The following PPIG variants were observed in gnomAD, a reference collection of about 807,000 sequenced individuals.
PPIG encodes the protein peptidyl-prolyl cis-trans isomerase G.
PPIG carries 26 observed loss-of-function variants against 87.9 expected under a neutral mutation model. The observed-to-expected ratio is 0.30, with a 90% CI of 0.22 to 0.41. PPIG has a LOEUF of 0.41. PPIG is among the 10% of genes least tolerant of loss of function. PPIG has a pLI of 1.00. For missense variants in PPIG, 722 were observed against 879.4 expected (o/e 0.82, Z 2.26); for synonymous variants, 308 against 276.5 (o/e 1.11, Z -1.13).
chr2:169,626,746 G>T (rs1269042909), intron 9 of PPIG, among the ~76,000 whole-genome samples: 1 of 152,094 alleles, frequency 6.6e-6, no homozygotes, highest in Non-Finnish European at 1.5e-5. Flanking sequence ...GTCTCACTCT[G>T]TTGCCCAGGC....
At chr2:169,621,453 T>C (rs1337583133) in intron 9 of PPIG, among the ~76,000 whole-genome samples, 1 of 152,184 alleles carries the variant, frequency 6.6e-6, no homozygotes, top group Non-Finnish European at 1.5e-5. Context: ...GCTATCCTTA[T>C]TTACAAACAA....
intron 9 of PPIG, among the ~76,000 whole-genome samples, chr2:169,628,922 G>A (rs1375933277): frequency 8.1e-6 from 1 of 123,662 alleles, no homozygotes; most frequent in African/African-American, 3.1e-5. Context: ...CTGGGCAACA[G>A]AGCAAGACCC....
intron 9 of PPIG, among the ~76,000 whole-genome samples, chr2:169,618,870 G>C (rs921224608): frequency 6.7e-6 from 1 of 149,074 alleles, no homozygotes; most frequent in Non-Finnish European, 1.5e-5. Flanking sequence ...TATTTCCTTC[G>C]GTTCTGCTCT....
chr2:169,620,897 A>G (rs1685730800), intron 9 of PPIG, among the ~76,000 whole-genome samples: 1 of 152,168 alleles, frequency 6.6e-6, no homozygotes, highest in Non-Finnish European at 1.5e-5. Context: ...TGTTCTTACT[A>G]ATCTAGGGAA....
At position 169,592,543 on chromosome 2, in the gene PPIG, A is replaced by T. The variant is rs1684897482; in HGVS notation, c.-70+8053A>T. ...ATGGTCTCAATCTCCTGGCCTTGTG[A>T]TCCGCACGCCTCGGCCTCCCAGAGT... On this transcript the variant is annotated intron_variant, in intron 1 of 13. Transcript: ENST00000260970. 2.0e-5 allele frequency among the ~76,000 whole-genome samples: 3 copies of T among 151,838 alleles called. No homozygotes were observed. The South Asian group carries it at 6.2e-4, about 32-fold the overall frequency.
intron 1 of PPIG, among the ~76,000 whole-genome samples, chr2:169,600,202 G>A (rs1328998719): frequency 6.6e-6 from 1 of 151,788 alleles, no homozygotes; most frequent in Non-Finnish European, 1.5e-5. Context: ...AGCGTCTCCA[G>A]TAGCTGGGGC....
At chr2:169,601,807 C>T (rs1685191124) in intron 1 of PPIG, among the ~76,000 whole-genome samples, 1 of 151,738 alleles carries the variant, frequency 6.6e-6, no homozygotes, top group Admixed American at 6.6e-5. Flanking sequence ...TTACAGTAGC[C>T]ACAAGCCACA....
At chr2:169,588,467 CT>C (rs1684767179) in intron 1 of PPIG, among the ~76,000 whole-genome samples, 1 of 152,050 alleles carries the variant, frequency 6.6e-6, no homozygotes. Flanking sequence ...TCCTCTTGTT[CT>C]TGATCTATAA....
chr2:169,595,109 A>G (rs1413991214), intron 1 of PPIG, among the ~76,000 whole-genome samples: 1 of 151,940 alleles, frequency 6.6e-6, no homozygotes, highest in Non-Finnish European at 1.5e-5. Context: ...CTGTATTTTT[A>G]GTAGAGATGG....
intron 5 of PPIG, 38 bp downstream of exon 5, chr2:169,606,184 A>G (rs1052312616): frequency 7.0e-7 from 1 of 1,418,670 alleles, no homozygotes; most frequent in African/African-American, 1.4e-5. Context: ...TTTCTGTTAA[A>G]TATCACAGAT....
At chr2:169,605,417 C>T (rs985346314) in intron 4 of PPIG, among the ~76,000 whole-genome samples, 9 of 151,910 alleles carry the variant, frequency 5.9e-5, no homozygotes, top group Admixed American at 3.3e-4. Context: ...GCGGGAGATT[C>T]GCTTGAGCCC....
chr2:169,621,220 C>T (rs972161545), intron 9 of PPIG, among the ~76,000 whole-genome samples: 19 of 151,782 alleles, frequency 1.3e-4, no homozygotes, highest in Non-Finnish European at 2.6e-4. Flanking sequence ...TATTTAGAAA[C>T]AGGTACATTT....
intron 6 of PPIG, 74 bp from the exon 7 acceptor site, chr2:169,608,597 A>G (rs139903646): frequency 0.011 from 9,281 of 845,260 alleles, 63 homozygotes; most frequent in Non-Finnish European, 0.015. Context: ...TACATCAGAT[A>G]TGAATAGAAG....
intron 7 of PPIG, among the ~76,000 whole-genome samples, chr2:169,609,132 C>T (rs1311594512): frequency 2.0e-5 from 3 of 151,108 alleles, no homozygotes; most frequent in African/African-American, 7.3e-5. Flanking sequence ...TCTCTGTGTG[C>T]CTGCCATTGA....
At chr2:169,610,201 T>C (rs1004169914) in intron 7 of PPIG, among the ~76,000 whole-genome samples, 4 of 152,250 alleles carry the variant, frequency 2.6e-5, no homozygotes, top group African/African-American at 9.6e-5. Flanking sequence ...GTGAGAAATC[T>C]GGCGCCTGAT....
chr2:169,617,252 G>T (rs529027400), intron 9 of PPIG, among the ~76,000 whole-genome samples: 2 of 152,234 alleles, frequency 1.3e-5, no homozygotes, highest in African/African-American at 2.4e-5. Flanking sequence ...ATGCTGTTTT[G>T]GTTACTGTAG....
intron 10 of PPIG, among the ~76,000 whole-genome samples, chr2:169,631,203 A>G (rs1054310432): frequency 2.0e-5 from 3 of 152,262 alleles, no homozygotes; most frequent in African/African-American, 4.8e-5. Context: ...TGTGTACTCA[A>G]TGAAATAATA....
At chr2:169,629,740 C>T (rs993180809) in intron 9 of PPIG, among the ~76,000 whole-genome samples, 2 of 152,148 alleles carry the variant, frequency 1.3e-5, no homozygotes, top group African/African-American at 4.8e-5. Flanking sequence ...ATCAGTGCCT[C>T]ACAAGAAGTT....
intron 9 of PPIG, among the ~76,000 whole-genome samples, chr2:169,630,245 T>C (rs1466902628): frequency 6.6e-6 from 1 of 152,126 alleles, no homozygotes; most frequent in Non-Finnish European, 1.5e-5. Context: ...CTATTCATCA[T>C]GGGCAATTGA....
Sources: gnomAD v4.1 joint callset for allele counts (sites outside exome capture counted in the v4.1 genomes callset) on GRCh38, gnomAD v4.1.1 for gene constraint, MANE v1.5 for transcripts, NCBI Gene and HGNC (gene_info 2026-07-23, HGNC 2026-07-21) for gene names.